DCAF4L1: variants seen among roughly 807,000 people sequenced by gnomAD.
DCAF4L1 encodes the protein DDB1- and CUL4-associated factor 4-like protein 1.
DCAF4L1 carries 4 observed loss-of-function variants against 28.2 expected under a neutral mutation model. That is an observed-to-expected ratio of 0.14 (90% CI 0.07 to 0.33). The LOEUF is 0.33. Among genes scored for constraint, DCAF4L1 ranks in the 10% least tolerant of loss-of-function variants. DCAF4L1 has a pLI of 1.00. For synonymous variants in DCAF4L1, 252 were observed against 212.1 expected, an observed-to-expected ratio of 1.19 and a Z score of -1.63; for missense variants, 331 against 506.1, an observed-to-expected ratio of 0.65 and a Z score of 3.32.
Position 41,985,159 on chromosome 4 carries a change from A to G in DCAF4L1, c.*2176A>G, listed in dbSNP as rs1397892933. The G allele has an allele frequency of 1.2e-5, 2 of 166,976 alleles. No individual in the cohort carries two copies. Among genetic ancestry groups the G allele is most frequent in the Non-Finnish European group, 2.9e-5 (2 of 68,098 alleles). 10.3% of individuals were successfully genotyped at this position (166,976 alleles called of 1,614,324 possible). ...TATGTCATTTATTTGGCAATTGACA[A>G]AAAATGACTACATAACTTGATAAAC... On this transcript the variant is annotated 3_prime_UTR_variant, in exon 1 of 1. Coordinates refer to ENST00000333141, the MANE Select transcript of DCAF4L1 (RefSeq NM_001029955.4).
In DCAF4L1 at chr4:41,984,587, TG is replaced by T. The variant is rs1477572388; in HGVS notation, c.*1608del. ...TAGATGATGGTGTCGTTTACTAACC[TG>T]GGGAGGATGAGGAGAAAAAACTTTA... On this transcript the variant is annotated 3_prime_UTR_variant, in exon 1 of 1. Transcript: ENST00000333141. 2.4e-5 allele frequency: 4 copies of T among 166,924 alleles called. No homozygotes were observed. Among genetic ancestry groups the T allele is most frequent in the African/African-American group, 9.7e-5 (4 of 41,390 alleles). The allele number at this position is 166,924 out of a possible 1,614,324, so 10.3% of individuals were successfully genotyped here.
rs368305197 is a variant in DCAF4L1, at chr4:41,984,189, A to G, written c.*1206A>G. 12 of 166,740 alleles carry G rather than the reference A, an allele frequency of 7.2e-5. No homozygotes were observed. In the South Asian group the frequency reaches 2.3e-3, roughly 32 times the overall value. 10.3% of individuals were successfully genotyped at this position (166,740 alleles called of 1,614,324 possible). A position where few individuals can be genotyped will look rare whatever the true frequency, so the allele number is the denominator to read the frequency against. Reference sequence around the variant, plus strand: ...TTTTCTTTATCTTGACACTTGATACATACGTAATTCATATATCTATATGCT... The same window carrying G: ...TTTTCTTTATCTTGACACTTGATACGTACGTAATTCATATATCTATATGCT... On this transcript the variant is annotated 3_prime_UTR_variant, in exon 1 of 1. Coordinates refer to ENST00000333141, the MANE Select transcript of DCAF4L1 (RefSeq NM_001029955.4).
rs1714154547 is a variant in DCAF4L1, at chr4:41,986,270, G to C, written c.*3287G>C. The C allele has an allele frequency of 6.0e-6, 1 of 167,042 alleles. No homozygotes were observed. The highest frequency in any genetic ancestry group is 2.4e-5 in the African/African-American group (1 of 41,420). 10.3% of individuals were successfully genotyped at this position (167,042 alleles called of 1,614,324 possible). On this transcript the variant is annotated 3_prime_UTR_variant, in exon 1 of 1. Transcript: ENST00000333141. ...TTAGTCGCTCCTGTTTCCTTAGTTT[G>C]GGATTCTGAGCACACATTCGTTTTA...
Position 41,985,192 on chromosome 4 carries a change from C to T in DCAF4L1, c.*2209C>T, listed in dbSNP as rs765430547. On this transcript the variant is annotated 3_prime_UTR_variant, in exon 1 of 1. Transcript: ENST00000333141. ...CTACATAACTTGATAAACTGTTTATCCTCATTTGCAAAGAAAACAAATGCA... is the reference window on the plus strand; with the variant it reads ...CTACATAACTTGATAAACTGTTTATTCTCATTTGCAAAGAAAACAAATGCA... 1 of 166,504 alleles carries T rather than the reference C, an allele frequency of 6.0e-6. No homozygotes were observed. The highest frequency in any genetic ancestry group is 2.4e-5 in the African/African-American group (1 of 41,226). The allele number at this position is 166,504 out of a possible 1,614,324, so 10.3% of individuals were successfully genotyped here. A position where few individuals can be genotyped will look rare whatever the true frequency, so the allele number is the denominator to read the frequency against.
rs1714126765 is a variant in DCAF4L1, at chr4:41,985,544, G to C, written c.*2561G>C. On this transcript the variant is annotated 3_prime_UTR_variant, in exon 1 of 1. Transcript: ENST00000333141. ...TAGTAATTGCTAAAGCTAGAAGTTT[G>C]CATACTCTATGACCCAGTCATTTCA... The C allele has an allele frequency of 6.0e-6, 1 of 167,074 alleles. No homozygotes were observed. The highest frequency in any genetic ancestry group is 1.5e-5 in the Non-Finnish European group (1 of 68,122). The allele number at this position is 167,074 out of a possible 1,614,324, so 10.3% of individuals were successfully genotyped here. A position where few individuals can be genotyped will look rare whatever the true frequency, so the allele number is the denominator to read the frequency against.
In DCAF4L1 at chr4:41,981,864, T is replaced by C. The variant is rs2153130423; in HGVS notation, c.72T>C (p.Asn24=). The change falls in exon 1 of 1, where the codon AAT becomes AAC. Residue 24 remains asparagine, a synonymous_variant. Coordinates refer to ENST00000333141, the MANE Select transcript of DCAF4L1 (RefSeq NM_001029955.4). ...AAAAGGTAGCCAGAATGGGATTTAA[T>C]GCATCTTCCATGCTCCGAAAAAGCC... ...KLKKVARMGF[N]ASSMLRKSQL... The C allele has an allele frequency of 6.2e-7, 1 of 1,614,234 alleles. No homozygotes were observed. The highest frequency in any genetic ancestry group is 1.1e-5 in the South Asian group (1 of 91,082).
chr4:41,982,737 C>A lies in DCAF4L1; in HGVS notation c.945C>A (p.Ser315=). The A allele has an allele frequency of 6.2e-7, 1 of 1,614,180 alleles. No individual in the cohort carries two copies. The part of the protein sequence containing the change: ...VRQYEGHVNE[S]AYLPLHVHEE... ...AGTACGAAGGTCACGTGAATGAGTC[C>A]GCCTATCTGCCCCTGCATGTGCACG... is the stretch of plus-strand genomic sequence containing the variant. The change falls in exon 1 of 1, where the codon TCC becomes TCA. Residue 315 remains serine, a synonymous_variant. Coordinates refer to ENST00000333141, the MANE Select transcript of DCAF4L1 (RefSeq NM_001029955.4). This position sits in a 1 kb window ranked among gnomAD's most constrained non-coding sequence, Gnocchi z 4.4.
At position 41,983,198 on chromosome 4, in the gene DCAF4L1, A is replaced by G; in HGVS notation, c.*215A>G. Reference sequence around the variant, plus strand: ...ACTTAACTTGAAAGTCCTTTTCATAAAAGGTACCTGTTTCCTCTTGTTGAA... The same window carrying G: ...ACTTAACTTGAAAGTCCTTTTCATAGAAGGTACCTGTTTCCTCTTGTTGAA... On this transcript the variant is annotated 3_prime_UTR_variant, in exon 1 of 1. Transcript: ENST00000333141. 1.9e-6 allele frequency: 1 copy of G among 538,644 alleles called. No homozygotes were observed. The highest frequency in any genetic ancestry group is 3.4e-6 in the Non-Finnish European group (1 of 298,498). 33.4% of individuals were successfully genotyped at this position (538,644 alleles called of 1,614,324 possible).
chr4:41,982,016 A>C lies in DCAF4L1; in HGVS notation c.224A>C (p.Asn75Thr). 6.2e-7 allele frequency: 1 copy of C among 1,614,166 alleles called. No individual in the cohort carries two copies. Among genetic ancestry groups the C allele is most frequent in the Non-Finnish European group, 8.5e-7 (1 of 1,180,022 alleles). ...TCCTCTTTGGCGAGCGACCGATTTA[A>C]CTTCATTCTGGCGAGTACCAACAGC... is the stretch of plus-strand genomic sequence containing the variant. ...DPSSLASDRF[N>T]FILASTNSDQ... is the part of the protein sequence containing the mutation. The change falls in exon 1 of 1, where the codon AAC (asparagine) becomes ACC (threonine). Residue 75 changes from asparagine to threonine, a missense_variant. Asn to Thr is a moderately conservative substitution (Grantham distance 65, BLOSUM62 0). Coordinates refer to ENST00000333141, the MANE Select transcript of DCAF4L1 (RefSeq NM_001029955.4). The surrounding 1 kb of genome is among the most constrained non-coding windows in gnomAD (Gnocchi z 4.4).
chr4:41,983,254 CCTT>C lies in DCAF4L1; in HGVS notation c.*272_*274del, dbSNP rs924969222. The stretch of plus-strand genomic sequence containing the variant: ...TAGAACAGTTAACCACCTCCCCAAC[CCTT>C]TTTTTTTTTAAATAATTAAGACTTT... On this transcript the variant is annotated 3_prime_UTR_variant, in exon 1 of 1. Coordinates refer to ENST00000333141, the MANE Select transcript of DCAF4L1 (RefSeq NM_001029955.4). 1 of 251,098 alleles carries C rather than the reference CCTT, an allele frequency of 4.0e-6. No individual in the cohort carries two copies. Among genetic ancestry groups the C allele is most frequent in the African/African-American group, 2.6e-5 (1 of 38,454 alleles). The allele number at this position is 251,098 out of a possible 1,614,324, so 15.6% of individuals were successfully genotyped here. A position where few individuals can be genotyped will look rare whatever the true frequency, so the allele number is the denominator to read the frequency against.
In DCAF4L1 at chr4:41,982,735, T is replaced by G; in HGVS notation, c.943T>G (p.Ser315Ala). ...GCAGTACGAAGGTCACGTGAATGAG[T>G]CCGCCTATCTGCCCCTGCATGTGCA... is the stretch of plus-strand genomic sequence containing the variant. ...VRQYEGHVNE[S>A]AYLPLHVHEE... Residue 315 changes from serine to alanine, a missense_variant, in exon 1 of 1, where the codon TCC becomes GCC. By Grantham distance (99) the Ser-to-Ala change is moderately conservative. Coordinates refer to ENST00000333141, the MANE Select transcript of DCAF4L1 (RefSeq NM_001029955.4). This position sits in a 1 kb window ranked among gnomAD's most constrained non-coding sequence, Gnocchi z 4.4. 1.2e-6 allele frequency: 2 copies of G among 1,614,074 alleles called. No homozygotes were observed. Among genetic ancestry groups the G allele is most frequent in the Non-Finnish European group, 8.5e-7 (1 of 1,180,016 alleles).
Position 41,983,989 on chromosome 4 carries a change from G to A in DCAF4L1, c.*1006G>A, listed in dbSNP as rs1714073551. 6.0e-6 allele frequency: 1 copy of A among 165,374 alleles called. No homozygotes were observed. Among genetic ancestry groups the A allele is most frequent in the South Asian group, 2.1e-4 (1 of 4,830 alleles). The allele number at this position is 165,374 out of a possible 1,614,324, so 10.2% of individuals were successfully genotyped here. On this transcript the variant is annotated 3_prime_UTR_variant, in exon 1 of 1. Coordinates refer to ENST00000333141, the MANE Select transcript of DCAF4L1 (RefSeq NM_001029955.4). Reference sequence around the variant, plus strand: ...AATCTCAACATGTTGACTGAAATTAGGTAGAAATGAGTACAAACTGTATGA... The same window carrying A: ...AATCTCAACATGTTGACTGAAATTAAGTAGAAATGAGTACAAACTGTATGA...
rs1714101923 is a variant in DCAF4L1, at chr4:41,984,876, G to A, written c.*1893G>A. 1 of 167,020 alleles carries A rather than the reference G, an allele frequency of 6.0e-6. No homozygotes were observed. The highest frequency in any genetic ancestry group is 1.5e-5 in the Non-Finnish European group (1 of 68,112). 10.3% of individuals were successfully genotyped at this position (167,020 alleles called of 1,614,324 possible). On this transcript the variant is annotated 3_prime_UTR_variant, in exon 1 of 1. Coordinates refer to ENST00000333141, the MANE Select transcript of DCAF4L1 (RefSeq NM_001029955.4). ...CAGATTTTTGGAATCCTTTCAGTCAGTTTTTTATACTAACTTGATATGTGA... is the reference window on the plus strand; with the variant it reads ...CAGATTTTTGGAATCCTTTCAGTCAATTTTTTATACTAACTTGATATGTGA...
In DCAF4L1 at chr4:41,983,493, T is replaced by C. The variant is rs1714057016; in HGVS notation, c.*510T>C. 6.0e-6 allele frequency: 1 copy of C among 167,464 alleles called. No homozygotes were observed. Among genetic ancestry groups the C allele is most frequent in the African/African-American group, 2.4e-5 (1 of 41,428 alleles). The allele number at this position is 167,464 out of a possible 1,614,324, so 10.4% of individuals were successfully genotyped here. A position where few individuals can be genotyped will look rare whatever the true frequency, so the allele number is the denominator to read the frequency against. Reference sequence around the variant, plus strand: ...CTACAGAAATATTTAAGGCTGGAGTTTGGAATCATTAAATTTGGCCTTCTC... The same window carrying C: ...CTACAGAAATATTTAAGGCTGGAGTCTGGAATCATTAAATTTGGCCTTCTC... On this transcript the variant is annotated 3_prime_UTR_variant, in exon 1 of 1. Transcript: ENST00000333141.
rs752207273 is a variant in DCAF4L1 at position 41,981,778 on chromosome 4, A to T, written c.-15A>T. 8.1e-6 allele frequency: 13 copies of T among 1,609,958 alleles called. No homozygotes were observed. The highest frequency in any genetic ancestry group is 1.7e-4 in the Middle Eastern group (1 of 6,036). On this transcript the variant is annotated 5_prime_UTR_variant, in exon 1 of 1. Coordinates refer to ENST00000333141, the MANE Select transcript of DCAF4L1 (RefSeq NM_001029955.4). Reference sequence around the variant, plus strand: ...TGCAGAATTTCCTGTCACGAGGAACATTCCGCAGGAGGAAATGGAGGCTGA... The same window carrying T: ...TGCAGAATTTCCTGTCACGAGGAACTTTCCGCAGGAGGAAATGGAGGCTGA...
Position 41,983,694 on chromosome 4 carries a change from G to C in DCAF4L1, c.*711G>C, listed in dbSNP as rs542105455. On this transcript the variant is annotated 3_prime_UTR_variant, in exon 1 of 1. Coordinates refer to ENST00000333141, the MANE Select transcript of DCAF4L1 (RefSeq NM_001029955.4). Reference sequence around the variant, plus strand: ...GCTCCGGTTTCTATTATGGTGACTTGAAGTTCAGATTCAAGGAATTGGCTT... The same window carrying C: ...GCTCCGGTTTCTATTATGGTGACTTCAAGTTCAGATTCAAGGAATTGGCTT... 3.6e-5 allele frequency: 6 copies of C among 167,146 alleles called. No individual in the cohort carries two copies. The highest frequency in any genetic ancestry group is 1.4e-4 in the African/African-American group (6 of 41,530). The allele number at this position is 167,146 out of a possible 1,614,324, so 10.4% of individuals were successfully genotyped here. A position where few individuals can be genotyped will look rare whatever the true frequency, so the allele number is the denominator to read the frequency against.
Position 41,983,249 on chromosome 4 carries a change from C to G in DCAF4L1, c.*266C>G. ...TGCCTTAGAACAGTTAACCACCTCC[C>G]CAACCCTTTTTTTTTTTAAATAATT... On this transcript the variant is annotated 3_prime_UTR_variant, in exon 1 of 1. Transcript: ENST00000333141. 7.2e-6 allele frequency: 2 copies of G among 277,870 alleles called. No homozygotes were observed. Among genetic ancestry groups the G allele is most frequent in the Non-Finnish European group, 6.8e-6 (1 of 148,140 alleles). The allele number at this position is 277,870 out of a possible 1,614,324, so 17.2% of individuals were successfully genotyped here. A position where few individuals can be genotyped will look rare whatever the true frequency, so the allele number is the denominator to read the frequency against.
chr4:41,983,779 C>T lies in DCAF4L1; in HGVS notation c.*796C>T, dbSNP rs1317948321. ...GAGATTTATTAAAAATGTTAAAGAGCCTGTTTTTCTACTAAGCAAGGAAGA... is the reference window on the plus strand; with the variant it reads ...GAGATTTATTAAAAATGTTAAAGAGTCTGTTTTTCTACTAAGCAAGGAAGA... On this transcript the variant is annotated 3_prime_UTR_variant, in exon 1 of 1. Transcript: ENST00000333141. 6.0e-6 allele frequency: 1 copy of T among 166,720 alleles called. No individual in the cohort carries two copies. The highest frequency in any genetic ancestry group is 6.6e-5 in the Admixed American group (1 of 15,236). The allele number at this position is 166,720 out of a possible 1,614,324, so 10.3% of individuals were successfully genotyped here.
Position 41,982,240 on chromosome 4 carries a change from A to G in DCAF4L1, c.448A>G (p.Thr150Ala), listed in dbSNP as rs1244093430. 6.2e-7 allele frequency: 1 copy of G among 1,614,190 alleles called. No homozygotes were observed. Among genetic ancestry groups the G allele is most frequent in the East Asian group, 2.2e-5 (1 of 44,876 alleles). ...CGTTCTGCTGTGCTTCGAGGGAATC[A>G]CAGATGCTCCAAGCTGTGCAGTGCT... is the stretch of plus-strand genomic sequence containing the variant. Reference protein sequence around the residue: ...SHVLLCFEGITDAPSCAVLLP... With the variant: ...SHVLLCFEGIADAPSCAVLLP... The change falls in exon 1 of 1, where the codon ACA (threonine) becomes GCA (alanine). Residue 150 changes from threonine to alanine, a missense_variant. Coordinates refer to ENST00000333141, the MANE Select transcript of DCAF4L1 (RefSeq NM_001029955.4). This position sits in a 1 kb window ranked among gnomAD's most constrained non-coding sequence, Gnocchi z 4.4.
Sources: gnomAD v4.1 joint callset for allele counts on GRCh38, gnomAD v4.1.1 for gene constraint, Gnocchi (gnomAD v3.1) non-coding constraint, MANE v1.5 for transcripts, NCBI Gene and HGNC (gene_info 2026-07-23, HGNC 2026-07-21) for gene names.